ITGA8: variants seen among roughly 807,000 people sequenced by gnomAD.
ITGA8 encodes the protein integrin subunit alpha 8, also known as integrin alpha-8.
In ITGA8, 91 loss-of-function variants were observed where a neutral mutation model predicts 142.3. The ratio of observed to expected loss-of-function variants is 0.64; its 90% CI spans 0.54 to 0.76. ITGA8 has a LOEUF of 0.76. Among genes scored for constraint, ITGA8 ranks in the 30% least tolerant of loss-of-function variants. The probability of loss-of-function intolerance (pLI) is 0.00; values close to 1 mark genes in which losing one functional copy is unlikely to be tolerated. For synonymous variants in ITGA8, 505 were observed against 485.2 expected, an observed-to-expected ratio of 1.04 and a Z score of -0.54; for missense variants, 1,406 against 1,327.7, an observed-to-expected ratio of 1.06 and a Z score of -0.92.
rs769892436 is a variant in ITGA8 at position 15,671,598 on chromosome 10, C to G, written c.847+5G>C. On this transcript the variant is annotated splice_donor_5th_base_variant and intron_variant, in intron 8 of 29. Coordinates refer to ENST00000378076, the MANE Select transcript of ITGA8 (RefSeq NM_003638.3). ...AAGTGATTTAAACTCAACAGTGCCT[C>G]TCACCTTGCTGAGAATCCCCAGTAA... is the stretch of plus-strand genomic sequence containing the variant. 1 of 1,611,684 alleles carries G rather than the reference C, an allele frequency of 6.2e-7. No homozygotes were observed. Among genetic ancestry groups the G allele is most frequent in the African/African-American group, 1.3e-5 (1 of 74,856 alleles).
chr10:15,682,802 G>A (rs1834761768), intron 4 of ITGA8, among the ~76,000 whole-genome samples: 1 of 146,708 alleles, frequency 6.8e-6, no homozygotes, highest in African/African-American at 2.5e-5. Flanking sequence ...ATTGAGCCAT[G>A]ATCATCACAC....
At chr10:15,589,323 T>G (rs1832883531) in intron 22 of ITGA8, among the ~76,000 whole-genome samples, 1 of 152,192 alleles carries the variant, frequency 6.6e-6, no homozygotes, top group Non-Finnish European at 1.5e-5. Flanking sequence ...TCACCATTAC[T>G]AAGGAAGAAA....
At chr10:15,560,815 G>C (rs548050727) in intron 25 of ITGA8, among the ~76,000 whole-genome samples, 1 of 152,316 alleles carries the variant, frequency 6.6e-6, no homozygotes, top group Non-Finnish European at 1.5e-5. Flanking sequence ...CAAAGTGTTA[G>C]AGTAGTGGAG....
Position 15,516,829 on chromosome 10 carries a change from C to T in ITGA8, c.*329G>A, listed in dbSNP as rs1453322493. On this transcript the variant is annotated 3_prime_UTR_variant, in exon 30 of 30. Transcript: ENST00000378076. ...TGATTCAGACATTTCATCTCTGCAA[C>T]TTATGCTGGATTGATCTGGACTGCA... 1 of 185,562 alleles carries T rather than the reference C, an allele frequency of 5.4e-6. No individual in the cohort carries two copies. The highest frequency in any genetic ancestry group is 2.4e-5 in the African/African-American group (1 of 41,978). 11.5% of individuals were successfully genotyped at this position (185,562 alleles called of 1,614,324 possible).
chr10:15,572,115 C>T lies in ITGA8; in HGVS notation c.2637+96G>A, dbSNP rs111754909. On this transcript the variant is annotated intron_variant, in intron 25 of 29. Transcript: ENST00000378076. ...CAATGATCACTGAAGCAACTTAAAA[C>T]GATTTCACTCTTCTTTTTTAAACAA... The T allele has an allele frequency of 8.9e-4, 965 of 1,079,374 alleles. 5 individuals are homozygous for T. In the African/African-American group the frequency reaches 0.014, roughly 15 times the overall value. 66.9% of individuals were successfully genotyped at this position (1,079,374 alleles called of 1,614,324 possible). A position where few individuals can be genotyped will look rare whatever the true frequency, so the allele number is the denominator to read the frequency against.
At chr10:15,647,449 GTTT>G (rs71505078) in intron 11 of ITGA8, among the ~76,000 whole-genome samples, 1 of 91,486 alleles carries the variant, frequency 1.1e-5, no homozygotes, top group African/African-American at 4.3e-5. Context: ...AAATTATTCA[GTTT>G]TTTTTTTTTT....
In ITGA8 at chr10:15,646,830, C is replaced by G; in HGVS notation, c.1207+16G>C. The stretch of plus-strand genomic sequence containing the variant: ...TGACGACACATAAATGACTTCCACG[C>G]TTTGGTTTAAATTACCATTGTATCC... On this transcript the variant is annotated intron_variant, in intron 12 of 29. Coordinates refer to ENST00000378076, the MANE Select transcript of ITGA8 (RefSeq NM_003638.3). The G allele has an allele frequency of 1.2e-6, 2 of 1,606,062 alleles. No homozygotes were observed. The highest frequency in any genetic ancestry group is 1.7e-6 in the Non-Finnish European group (2 of 1,173,026).
rs71374633 is a variant in ITGA8 at position 15,565,573 on chromosome 10, ATTTTTTTTTTTTTT to A, written c.2637+6624_2637+6637del. Among the ~76,000 whole-genome samples the A allele has an allele frequency of 8.9e-4, 31 of 34,782 alleles. 1 individual carries two copies. Among genetic ancestry groups the A allele is most frequent in the South Asian group, 5.2e-3 (3 of 576 alleles). 22.8% of individuals were successfully genotyped at this position (34,782 alleles called of 152,430 possible). On this transcript the variant is annotated intron_variant, in intron 25 of 29. Coordinates refer to ENST00000378076, the MANE Select transcript of ITGA8 (RefSeq NM_003638.3). ...ATAATCTTCTTCCTTTCATGTCCTG[ATTTTTTTTTTTTTT>A]TTTTTTTTTTTTTTTTTTTTGAGAC...
At chr10:15,605,060 A>G (rs1332214550) in intron 19 of ITGA8, among the ~76,000 whole-genome samples, 1 of 152,164 alleles carries the variant, frequency 6.6e-6, no homozygotes, top group Non-Finnish European at 1.5e-5. Context: ...GTTACCAAGC[A>G]GATTCCAAAC....
At chr10:15,534,955 C>G (rs7069498) in intron 27 of ITGA8, among the ~76,000 whole-genome samples, 144,618 of 152,244 alleles carry the variant, frequency 0.95, 69,060 homozygotes, top group Non-Finnish European at 1. Flanking sequence ...CTCAGCTTGC[C>G]GGGAGGTGTG....
At chr10:15,642,121 C>T (rs369023257) in intron 13 of ITGA8, among the ~76,000 whole-genome samples, 48 of 151,880 alleles carry the variant, frequency 3.2e-4, no homozygotes, top group East Asian at 2.7e-3. Context: ...AGTAAGACTC[C>T]GTCTCAGAAA....
intron 19 of ITGA8, among the ~76,000 whole-genome samples, chr10:15,605,041 C>A (rs977710619): frequency 1.3e-5 from 2 of 152,056 alleles, no homozygotes; most frequent in African/African-American, 4.8e-5. Context: ...GGGGAAGTCC[C>A]TCTGAGAAGT....
At chr10:15,644,446 A>AT (rs1564388766) in intron 12 of ITGA8, among the ~76,000 whole-genome samples, 62 of 760 alleles carry the variant, frequency 0.082, 7 homozygotes, top group East Asian at 0.51. Context: ...ATATATATAT[A>AT]TATATATATA....
At chr10:15,547,523 G>T (rs947637456) in intron 27 of ITGA8, among the ~76,000 whole-genome samples, 1 of 152,198 alleles carries the variant, frequency 6.6e-6, no homozygotes, top group African/African-American at 2.4e-5. Context: ...AGTGAGTCAA[G>T]ATCGCACTAC....
intron 23 of ITGA8, among the ~76,000 whole-genome samples, chr10:15,582,570 C>T (rs1255640073): frequency 6.6e-6 from 1 of 152,178 alleles, no homozygotes; most frequent in African/African-American, 2.4e-5. Context: ...TAAAGAACTT[C>T]TACAACTCGA....
chr10:15,635,449 C>A lies in ITGA8; in HGVS notation c.1399+8581G>T, dbSNP rs118172268. 1.7e-4 allele frequency among the ~76,000 whole-genome samples: 26 copies of A among 152,166 alleles called. 1 individual carries two copies. The East Asian group carries it at 4.6e-3, about 27-fold the overall frequency. ...ACCCTGGGAGGAGTAATCCATGCAC[C>A]TTTGTCACTTCTTGATAAGGAAGGC... On this transcript the variant is annotated intron_variant, in intron 13 of 29. Coordinates refer to ENST00000378076, the MANE Select transcript of ITGA8 (RefSeq NM_003638.3).
intron 27 of ITGA8, among the ~76,000 whole-genome samples, chr10:15,534,996 C>T (rs142545631): frequency 0.011 from 1,650 of 152,214 alleles, 24 homozygotes; most frequent in African/African-American, 0.038. Context: ...GAGGCGCAGG[C>T]GGGAACCTGG....
At chr10:15,532,395 C>T (rs370206199) in intron 27 of ITGA8, among the ~76,000 whole-genome samples, 5 of 117,172 alleles carry the variant, frequency 4.3e-5, no homozygotes, top group African/African-American at 6.7e-5. Context: ...CTCCAGCCTG[C>T]GCAACCGAGT....
chr10:15,699,297 C>CA (rs1187868736), intron 2 of ITGA8, among the ~76,000 whole-genome samples: 1 of 151,800 alleles, frequency 6.6e-6, no homozygotes, highest in African/African-American at 2.4e-5. Context: ...AACAAACAAA[C>CA]AAAAAAACAA....
Sources: gnomAD v4.1 joint callset for allele counts (sites outside exome capture counted in the v4.1 genomes callset) on GRCh38, gnomAD v4.1.1 for gene constraint, MANE v1.5 for transcripts, NCBI Gene and HGNC (gene_info 2026-07-23, HGNC 2026-07-21) for gene names.